The following SMARCA4 variants were observed in gnomAD, a reference collection of about 807,000 sequenced individuals.
SMARCA4 encodes SWI/SNF-related matrix-associated actin-dependent regulator of chromatin subfamily A member 4.
SMARCA4 carries 31 observed loss-of-function variants against 193.9 expected under a neutral mutation model. The observed-to-expected ratio is 0.16, with a 90% CI of 0.12 to 0.22. The LOEUF (loss-of-function observed/expected upper bound fraction) is 0.22. SMARCA4 is among the 10% of genes least tolerant of loss of function. The pLI is 1.00. For synonymous variants in SMARCA4, 942 were observed against 933.1 expected, an observed-to-expected ratio of 1.01 and a Z score of -0.17; for missense variants, 1,148 against 2,296.0, an observed-to-expected ratio of 0.50 and a Z score of 10.22.
chr19:10,982,097 G>A (rs996580690), intron 1 of SMARCA4, among the ~76,000 whole-genome samples: 12 of 152,192 alleles, frequency 7.9e-5, no homozygotes, highest in African/African-American at 2.4e-4. Flanking sequence ...CCAGCACTTC[G>A]GGAGGCCAAG....
In SMARCA4 at chr19:11,035,140, C is replaced by G. The variant is rs778760920; in HGVS notation, c.4170+8C>G. The stretch of plus-strand genomic sequence containing the variant: ...GAGAAGCAGTGGCTCAAGGTACATG[C>G]TGGAGAGGCCCAGCAGCTGCCGCAG... On this transcript the variant is annotated splice_region_variant and intron_variant, in intron 29 of 34. Transcript: ENST00000344626. The G allele has an allele frequency of 3.6e-5, 58 of 1,608,482 alleles. No individual in the cohort carries two copies. Among genetic ancestry groups the G allele is most frequent in the Non-Finnish European group, 4.8e-5 (57 of 1,178,034 alleles).
intron 1 of SMARCA4, among the ~76,000 whole-genome samples, chr19:10,963,155 T>C (rs2083937910): frequency 6.6e-6 from 1 of 151,876 alleles, no homozygotes; most frequent in Non-Finnish European, 1.5e-5. Context: ...GGAAAATTGC[T>C]TGAACCCGGG....
intron 11 of SMARCA4, among the ~76,000 whole-genome samples, chr19:11,001,495 A>C (rs1600119600): frequency 1.3e-5 from 2 of 152,342 alleles, no homozygotes; most frequent in East Asian, 3.9e-4. Context: ...GAGGATGCCC[A>C]AGCCTCACTC....
chr19:11,008,142 T>C (rs1301103688), intron 14 of SMARCA4, 119 bp downstream of exon 14: 2 of 1,053,260 alleles, frequency 1.9e-6, no homozygotes, highest in Non-Finnish European at 2.9e-6. Context: ...CAGCTGCTAC[T>C]GTGGAACTAC....
chr19:11,025,537 G>C, intron 22 of SMARCA4, 29 bp downstream of exon 22: 1 of 1,558,228 alleles, frequency 6.4e-7, no homozygotes, highest in South Asian at 1.1e-5. Flanking sequence ...GGACGGCTCA[G>C]GCCCTGCTGT....
In SMARCA4 at chr19:10,996,129, T is replaced by C. The variant is rs1208563972; in HGVS notation, c.1594-84T>C. 5 of 1,425,596 alleles carry C rather than the reference T, an allele frequency of 3.5e-6. No homozygotes were observed. In the East Asian group the frequency reaches 1.1e-4, roughly 32 times the overall value. The allele number at this position is 1,425,596 out of a possible 1,614,324, so 88.3% of individuals were successfully genotyped here. On this transcript the variant is annotated intron_variant, in intron 9 of 34. Coordinates refer to ENST00000344626, the MANE Select transcript of SMARCA4 (RefSeq NM_003072.5). Reference sequence around the variant, plus strand: ...CCGCGTGAGCTACGCGTGCCCTCAGTGCGCTTCTGGATTGACTGGCCATGG... The same window carrying C: ...CCGCGTGAGCTACGCGTGCCCTCAGCGCGCTTCTGGATTGACTGGCCATGG...
chr19:11,002,246 G>A (rs946763398), intron 11 of SMARCA4, among the ~76,000 whole-genome samples: 30 of 151,850 alleles, frequency 2.0e-4, no homozygotes, highest in Non-Finnish European at 2.7e-4. Flanking sequence ...TTGGGAGGCC[G>A]AGGCGGGCAG....
At chr19:11,024,729 T>C (rs1389573469) in intron 21 of SMARCA4, among the ~76,000 whole-genome samples, 1 of 152,086 alleles carries the variant, frequency 6.6e-6, no homozygotes, top group Admixed American at 6.5e-5. Flanking sequence ...CCTTCTCTGT[T>C]ATTAAGTGAA....
rs751661108 is a variant in SMARCA4, at chr19:11,003,014, A to G, written c.1813-15A>G. On this transcript the variant is annotated splice_polypyrimidine_tract_variant and intron_variant, in intron 11 of 34. Transcript: ENST00000344626. ...GCCCTGCAACCTCAGTGTCACACGA[A>G]TGACTCTTTTTCAGCCTCTGGACGA... 1.9e-5 allele frequency: 30 copies of G among 1,613,846 alleles called. No homozygotes were observed. In the Admixed American group the frequency reaches 4.7e-4, roughly 25 times the overall value.
chr19:11,017,034 G>A (rs2089425718), intron 16 of SMARCA4, among the ~76,000 whole-genome samples: 1 of 152,118 alleles, frequency 6.6e-6, no homozygotes, highest in Non-Finnish European at 1.5e-5. Context: ...GTCAGTGCTA[G>A]GAGATTCATG....
chr19:10,969,935 C>G (rs548446726), intron 1 of SMARCA4, among the ~76,000 whole-genome samples: 4 of 152,300 alleles, frequency 2.6e-5, no homozygotes, highest in Admixed American at 6.5e-5. Flanking sequence ...CTGTGGCCCT[C>G]AAGGCCTGTG....
chr19:11,003,498 T>A, intron 13 of SMARCA4, 101 bp downstream of exon 13: 1 of 1,161,078 alleles, frequency 8.6e-7, no homozygotes, highest in Non-Finnish European at 1.3e-6. Flanking sequence ...GGGCATCTTG[T>A]GGGGCAGGGA....
chr19:10,978,938 G>A lies in SMARCA4; in HGVS notation c.-31-5183G>A, dbSNP rs573403161. ...CACTCCAGCTTGGGTGATGGAGCAA[G>A]ACTCTGTCTCTAAATAAATAAATAA... On this transcript the variant is annotated intron_variant, in intron 1 of 34. Coordinates refer to ENST00000344626, the MANE Select transcript of SMARCA4 (RefSeq NM_003072.5). 1.5e-3 allele frequency among the ~76,000 whole-genome samples: 223 copies of A among 152,144 alleles called. 1 individual carries two copies. The highest frequency in any genetic ancestry group is 3.1e-3 in the South Asian group (15 of 4,812).
chr19:11,026,190 C>A, intron 22 of SMARCA4, 110 bp from the exon 23 acceptor site: 1 of 874,250 alleles, frequency 1.1e-6, no homozygotes, highest in Non-Finnish European at 2.0e-6. Context: ...CCGTGCCGAG[C>A]ACACAGTGTG....
chr19:11,020,469 G>A (rs2089765285), intron 18 of SMARCA4: 1 of 151,942 alleles, frequency 6.6e-6, no homozygotes, highest in Admixed American at 6.6e-5. Flanking sequence ...GGAGTGCAGT[G>A]ATGTGATCAC....
At chr19:10,971,148 A>G (rs780075079) in intron 1 of SMARCA4, among the ~76,000 whole-genome samples, 9 of 152,136 alleles carry the variant, frequency 5.9e-5, no homozygotes, top group Non-Finnish European at 1.3e-4. Context: ...GTGAGCTGAG[A>G]TCGCACCATT....
chr19:11,048,795 G>A (rs1005920381), intron 30 of SMARCA4, among the ~76,000 whole-genome samples: 1 of 152,198 alleles, frequency 6.6e-6, no homozygotes, highest in Non-Finnish European at 1.5e-5. Context: ...TTTTATTCTG[G>A]CAGAATTGTG....
In SMARCA4 at chr19:11,033,744, T is replaced by C. The variant is rs2146663221; in HGVS notation, c.3775-23T>C. ...ACGCCGGATTGACAGCCCTGGAGAC[T>C]GAAGTCCTCTATTTATCCACAGAGC... On this transcript the variant is annotated intron_variant, in intron 26 of 34. Coordinates refer to ENST00000344626, the MANE Select transcript of SMARCA4 (RefSeq NM_003072.5). This position sits in a 1 kb window ranked among gnomAD's most constrained non-coding sequence, Gnocchi z 9.8. The C allele has an allele frequency of 1.3e-6, 1 of 780,080 alleles. No homozygotes were observed. The highest frequency in any genetic ancestry group is 1.3e-5 in the South Asian group (1 of 74,620). The allele number at this position is 780,080 out of a possible 1,614,324, so 48.3% of individuals were successfully genotyped here.
chr19:10,986,066 T>G lies in SMARCA4; in HGVS notation c.356-123T>G, dbSNP rs1313317094. The G allele has an allele frequency of 2.3e-6, 2 of 857,816 alleles. No homozygotes were observed. Among genetic ancestry groups the G allele is most frequent in the African/African-American group, 3.3e-5 (2 of 60,906 alleles). 53.1% of individuals were successfully genotyped at this position (857,816 alleles called of 1,614,324 possible). ...TGCCCTCCAGGTGCCCCTGGTTGACTCAAGAGAAGGATGCCATTTGGCTGT... is the reference window on the plus strand; with the variant it reads ...TGCCCTCCAGGTGCCCCTGGTTGACGCAAGAGAAGGATGCCATTTGGCTGT... On this transcript the variant is annotated intron_variant, in intron 3 of 34. Transcript: ENST00000344626. This position sits in a 1 kb window ranked among gnomAD's most constrained non-coding sequence, Gnocchi z 6.7.
Sources: gnomAD v4.1 joint callset for allele counts (sites outside exome capture counted in the v4.1 genomes callset) on GRCh38, gnomAD v4.1.1 for gene constraint, Gnocchi (gnomAD v3.1) non-coding constraint, MANE v1.5 for transcripts, NCBI Gene and HGNC (gene_info 2026-07-23, HGNC 2026-07-21) for gene names.